PLEKHH3: variants seen among roughly 807,000 people sequenced by gnomAD.
The protein encoded by PLEKHH3 is pleckstrin homology domain-containing family H member 3.
A neutral mutation model predicts 77.8 loss-of-function variants in PLEKHH3; 57 were observed. That is an observed-to-expected ratio of 0.73 (90% confidence interval 0.59 to 0.91). PLEKHH3 has a LOEUF of 0.91. Among genes scored for constraint, PLEKHH3 ranks in the 40% least tolerant of loss-of-function variants. The probability of loss-of-function intolerance (pLI) is 0.00; values close to 1 mark genes in which losing one functional copy is unlikely to be tolerated. For missense variants in PLEKHH3, 1,082 were observed against 1,091.2 expected (o/e 0.99, Z 0.12); for synonymous variants, 467 against 504.8 (o/e 0.93, Z 1.00).
Position 42,668,028 on chromosome 17 carries a change from T to G in PLEKHH3, c.*99A>C. 9.2e-7 allele frequency: 1 copy of G among 1,083,996 alleles called. No homozygotes were observed. Among genetic ancestry groups the G allele is most frequent in the Admixed American group, 4.2e-5 (1 of 23,564 alleles). 67.1% of individuals were successfully genotyped at this position (1,083,996 alleles called of 1,614,324 possible). ...TAGCCCTTGGGTGTGGGATGTGCCC[T>G]GTCCCTGCAGGGCCAAAAGGGTCCA... is the stretch of plus-strand genomic sequence containing the variant. On this transcript the variant is annotated 3_prime_UTR_variant, in exon 13 of 13. Transcript: ENST00000591022.
chr17:42,676,330 T>C lies in PLEKHH3; in HGVS notation c.162+72A>G. The stretch of plus-strand genomic sequence containing the variant: ...AAGCGCGCAGCGTGTGGCTGGAGGC[T>C]GGAGCGGATCAGCGTGACGGCCGGT... On this transcript the variant is annotated intron_variant, in intron 1 of 12. Transcript: ENST00000591022. The surrounding 1 kb of genome is among the most constrained non-coding windows in gnomAD (Gnocchi z 6.6). The C allele has an allele frequency of 6.3e-7, 1 of 1,589,658 alleles. No homozygotes were observed. The highest frequency in any genetic ancestry group is 8.6e-7 in the Non-Finnish European group (1 of 1,165,844).
At chr17:42,675,109 T>C (rs1008974340) in intron 1 of PLEKHH3, among the ~76,000 whole-genome samples, 1 of 151,058 alleles carries the variant, frequency 6.6e-6, no homozygotes, top group Non-Finnish European at 1.5e-5. Flanking sequence ...CCCCTCCCCC[T>C]CCTCCTCCCT....
At chr17:42,672,508 G>A (rs1252465459) in intron 6 of PLEKHH3, 116 bp from the exon 7 acceptor site, 4 of 905,760 alleles carry the variant, frequency 4.4e-6, no homozygotes, top group African/African-American at 1.7e-5. Flanking sequence ...GGGGTGGCAG[G>A]GAGGGGAGGG....
In PLEKHH3 at chr17:42,673,541, G is replaced by C. The variant is rs1484887223; in HGVS notation, c.506C>G (p.Thr169Ser). ...GACACTGTGTTTCCGACCAGACACA[G>C]TCACTGACCACAGACCTGGGGAAAA... ...RRKETGLWSV[T>S]VSGRKHSVRL... is the part of the protein sequence containing the mutation. Residue 169 changes from threonine to serine, a missense_variant, in exon 5 of 13, where the codon ACT becomes AGT. By Grantham distance (58) the Thr-to-Ser change is moderately conservative (BLOSUM62 1). This residue lies in a region of PLEKHH3 where 344 missense variants were observed against 320.8 expected (regional missense o/e 1.07). Transcript: ENST00000591022. The C allele has an allele frequency of 6.3e-7, 1 of 1,594,748 alleles. No individual in the cohort carries two copies. Among genetic ancestry groups the C allele is most frequent in the African/African-American group, 1.3e-5 (1 of 74,644 alleles).
chr17:42,671,187 G>T lies in PLEKHH3; in HGVS notation c.1285-57C>A. The T allele has an allele frequency of 1.3e-6, 2 of 1,533,150 alleles. No individual in the cohort carries two copies. The highest frequency in any genetic ancestry group is 2.5e-5 in the South Asian group (2 of 79,934). 95.0% of individuals were successfully genotyped at this position (1,533,150 alleles called of 1,614,324 possible). Reference sequence around the variant, plus strand: ...GAGGTCTTGCCAGGATTCTGGGAGGGGTTGATTCAATTGGAAGGGGTCTCT... The same window carrying T: ...GAGGTCTTGCCAGGATTCTGGGAGGTGTTGATTCAATTGGAAGGGGTCTCT... On this transcript the variant is annotated intron_variant, in intron 8 of 12. Coordinates refer to ENST00000591022, the MANE Select transcript of PLEKHH3 (RefSeq NM_024927.5). The surrounding 1 kb of genome is among the most constrained non-coding windows in gnomAD (Gnocchi z 4.7).
intron 11 of PLEKHH3, 91 bp from the exon 12 acceptor site, chr17:42,669,712 T>TG: frequency 6.8e-7 from 1 of 1,468,910 alleles, no homozygotes; most frequent in South Asian, 1.3e-5. Context: ...AGGAGTATCC[T>TG]GATCCCCCTA....
chr17:42,672,315 G>A lies in PLEKHH3; in HGVS notation c.847C>T (p.Pro283Ser). 1 of 1,548,612 alleles carries A rather than the reference G, an allele frequency of 6.5e-7. No homozygotes were observed. The highest frequency in any genetic ancestry group is 1.4e-5 in the African/African-American group (1 of 73,158). Residue 283 changes from proline to serine, a missense_variant, in exon 7 of 13, where the codon CCC becomes TCC. Physicochemically the swap from Pro to Ser is moderately conservative, Grantham distance 74. Coordinates refer to ENST00000591022, the MANE Select transcript of PLEKHH3 (RefSeq NM_024927.5). Reference sequence around the variant, plus strand: ...AGCACACCCTGCATCAAGGGCCCGGGGCGCCGCGCCCCCTCCAGCGCCTGC... The same window carrying A: ...AGCACACCCTGCATCAAGGGCCCGGAGCGCCGCGCCCCCTCCAGCGCCTGC... Reference protein sequence around the residue: ...ALQALEGARRPGPLMQGVLQT... With the variant: ...ALQALEGARRSGPLMQGVLQT...
chr17:42,668,019 G>T lies in PLEKHH3; in HGVS notation c.*108C>A. 1.1e-6 allele frequency: 1 copy of T among 948,154 alleles called. No homozygotes were observed. Among genetic ancestry groups the T allele is most frequent in the Non-Finnish European group, 1.4e-6 (1 of 725,348 alleles). 58.7% of individuals were successfully genotyped at this position (948,154 alleles called of 1,614,324 possible). A position where few individuals can be genotyped will look rare whatever the true frequency, so the allele number is the denominator to read the frequency against. Reference sequence around the variant, plus strand: ...CACCCATTGTAGCCCTTGGGTGTGGGATGTGCCCTGTCCCTGCAGGGCCAA... The same window carrying T: ...CACCCATTGTAGCCCTTGGGTGTGGTATGTGCCCTGTCCCTGCAGGGCCAA... On this transcript the variant is annotated 3_prime_UTR_variant, in exon 13 of 13. Transcript: ENST00000591022.
chr17:42,671,236 C>T lies in PLEKHH3; in HGVS notation c.1285-106G>A. On this transcript the variant is annotated intron_variant, in intron 8 of 12. Coordinates refer to ENST00000591022, the MANE Select transcript of PLEKHH3 (RefSeq NM_024927.5). This position sits in a 1 kb window ranked among gnomAD's most constrained non-coding sequence, Gnocchi z 4.7. Reference sequence around the variant, plus strand: ...CTTAGTCCTGTCACCACCACTCCCTCCCTTACCAAAATAATCTAGACTCGG... The same window carrying T: ...CTTAGTCCTGTCACCACCACTCCCTTCCTTACCAAAATAATCTAGACTCGG... 1.3e-6 allele frequency: 2 copies of T among 1,524,740 alleles called. No homozygotes were observed. The highest frequency in any genetic ancestry group is 1.8e-6 in the Non-Finnish European group (2 of 1,128,568). 94.5% of individuals were successfully genotyped at this position (1,524,740 alleles called of 1,614,324 possible). A position where few individuals can be genotyped will look rare whatever the true frequency, so the allele number is the denominator to read the frequency against.
At chr17:42,673,865 C>T (rs1250932822) in intron 3 of PLEKHH3, 31 bp from the exon 4 acceptor site, 1 of 1,608,164 alleles carries the variant, frequency 6.2e-7, no homozygotes, top group African/African-American at 1.3e-5. Flanking sequence ...GAAGGGACAT[C>T]AGTAGAGACA....
rs1400476386 is a variant in PLEKHH3 at position 42,673,994 on chromosome 17, TCTC to T, written c.235_237del (p.Glu79del). 5.0e-6 allele frequency: 8 copies of T among 1,612,940 alleles called. No individual in the cohort carries two copies. The East Asian group carries it at 1.1e-4, about 22-fold the overall frequency. ...CCTTTCTCCGGGATGAGGCTCCAAG[TCTC>T]CTCCCAGCTCTGCAGCCTGGGCCAG... On this transcript the variant is annotated inframe_deletion, in exon 3 of 13. Coordinates refer to ENST00000591022, the MANE Select transcript of PLEKHH3 (RefSeq NM_024927.5).
Position 42,671,638 on chromosome 17 carries a change from T to C in PLEKHH3, c.1077-80A>G. ...CCTCTTGCCTGCTTCTCTTATAGTT[T>C]ATTTTATCTAGCCGATTTCCTCCCC... is the stretch of plus-strand genomic sequence containing the variant. On this transcript the variant is annotated intron_variant, in intron 7 of 12. Coordinates refer to ENST00000591022, the MANE Select transcript of PLEKHH3 (RefSeq NM_024927.5). This position sits in a 1 kb window ranked among gnomAD's most constrained non-coding sequence, Gnocchi z 4.7. 1 of 1,402,146 alleles carries C rather than the reference T, an allele frequency of 7.1e-7. No homozygotes were observed. Among genetic ancestry groups the C allele is most frequent in the East Asian group, 2.5e-5 (1 of 40,100 alleles). The allele number at this position is 1,402,146 out of a possible 1,614,324, so 86.9% of individuals were successfully genotyped here. A position where few individuals can be genotyped will look rare whatever the true frequency, so the allele number is the denominator to read the frequency against.
rs2052840512 is a variant in PLEKHH3, at chr17:42,676,927, TGTCCGGTAGGGC to T, written c.-376_-365del. On this transcript the variant is annotated 5_prime_UTR_variant, in exon 1 of 13. Transcript: ENST00000591022. The surrounding 1 kb of genome is among the most constrained non-coding windows in gnomAD (Gnocchi z 6.6). ...GTTGTCCAAGCTCCAGGGAGGGTCG[TGTCCGGTAGGGC>T]GTCCGGTGGCCGGGGCCCGGGCCGC... The T allele has an allele frequency of 4.8e-6, 1 of 210,062 alleles. No homozygotes were observed. Among genetic ancestry groups the T allele is most frequent in the Non-Finnish European group, 9.5e-6 (1 of 105,320 alleles). The allele number at this position is 210,062 out of a possible 1,614,324, so 13.0% of individuals were successfully genotyped here.
Position 42,670,403 on chromosome 17 carries a change from G to A in PLEKHH3, c.1555-27C>T. ...TGCAGGGGAGGCACCCGGCGTCAGT[G>A]TACGAGCGGCGGCGGAACCGTCGCG... On this transcript the variant is annotated intron_variant, in intron 10 of 12. Coordinates refer to ENST00000591022, the MANE Select transcript of PLEKHH3 (RefSeq NM_024927.5). The A allele has an allele frequency of 2.1e-6, 3 of 1,459,786 alleles. No individual in the cohort carries two copies. In the South Asian group the frequency reaches 4.3e-5, roughly 21 times the overall value. The allele number at this position is 1,459,786 out of a possible 1,614,324, so 90.4% of individuals were successfully genotyped here. A position where few individuals can be genotyped will look rare whatever the true frequency, so the allele number is the denominator to read the frequency against.
Position 42,676,649 on chromosome 17 carries a change from C to G in PLEKHH3, c.-86G>C. 1 of 1,325,146 alleles carries G rather than the reference C, an allele frequency of 7.5e-7. No individual in the cohort carries two copies. Among genetic ancestry groups the G allele is most frequent in the East Asian group, 2.5e-5 (1 of 39,904 alleles). The allele number at this position is 1,325,146 out of a possible 1,614,324, so 82.1% of individuals were successfully genotyped here. The stretch of plus-strand genomic sequence containing the variant: ...GGAACTGGCGGGGCTCCGACCCGAG[C>G]AGGGGAAAGATGAGGTGGGAGGAGC... On this transcript the variant is annotated 5_prime_UTR_variant, in exon 1 of 13. Coordinates refer to ENST00000591022, the MANE Select transcript of PLEKHH3 (RefSeq NM_024927.5). This position sits in a 1 kb window ranked among gnomAD's most constrained non-coding sequence, Gnocchi z 6.6.
In PLEKHH3 at chr17:42,671,353, C is replaced by T. The variant is rs1381197167; in HGVS notation, c.1282G>A (p.Glu428Lys). The part of the protein sequence containing the change: ...VAIDSHTTAG[E>K]VARELVGRLG... ...ATGGGGCCTTTCTCTGGCCTCACCT[C>T]CCCCGCCGTGGTGTGGGAGTCGATG... Residue 428 changes from glutamate to lysine, a missense_variant and splice_region_variant, in exon 8 of 13, where the codon GAG becomes AAG. Around this residue, in one of 3 missense-constraint regions of PLEKHH3, gnomAD observed 733 missense variants for 750.0 expected, o/e 0.98. Coordinates refer to ENST00000591022, the MANE Select transcript of PLEKHH3 (RefSeq NM_024927.5). The surrounding 1 kb of genome is among the most constrained non-coding windows in gnomAD (Gnocchi z 4.7). 1 of 1,612,264 alleles carries T rather than the reference C, an allele frequency of 6.2e-7. No individual in the cohort carries two copies. Among genetic ancestry groups the T allele is most frequent in the African/African-American group, 1.3e-5 (1 of 74,920 alleles).
Position 42,673,448 on chromosome 17 carries a change from G to A in PLEKHH3, c.599C>T (p.Ser200Phe). ...GGTGGGGGTCTCCAGGGGTGCCTTG[G>A]AGGCGATCACTTCCCGCAATGCCAC... ...WGVALREVIA[S>F]KAPLETPTQL... Residue 200 changes from serine to phenylalanine, a missense_variant, in exon 5 of 13, where the codon TCC (serine) becomes TTC (phenylalanine). This residue lies in a region of PLEKHH3 where 344 missense variants were observed against 320.8 expected (regional missense o/e 1.07). Coordinates refer to ENST00000591022, the MANE Select transcript of PLEKHH3 (RefSeq NM_024927.5). 6.2e-7 allele frequency: 1 copy of A among 1,613,306 alleles called. No individual in the cohort carries two copies.
At chr17:42,669,306 G>T in intron 12 of PLEKHH3, 124 bp downstream of exon 12, 2 of 968,062 alleles carry the variant, frequency 2.1e-6, no homozygotes, top group Non-Finnish European at 2.8e-6. Flanking sequence ...CCTTCAGCTT[G>T]TCTGTGATCA....
chr17:42,673,820 C>G lies in PLEKHH3; in HGVS notation c.313G>C (p.Glu105Gln). ...GGCCGCGCCCCTCCTCCGCGGGGCT[C>G]CCGGTACAGCCAACCTGGGGGCCGG... ...DIVVKGWLYREPRGGGARPWL... is the reference protein window; with the variant it reads ...DIVVKGWLYRQPRGGGARPWL... The change falls in exon 4 of 13, where the codon GAG becomes CAG. Residue 105 changes from glutamate to glutamine, a missense_variant. Physicochemically the swap from Glu to Gln is conservative, Grantham distance 29. This residue lies in a region of PLEKHH3 where 344 missense variants were observed against 320.8 expected (regional missense o/e 1.07). Transcript: ENST00000591022. 6.3e-7 allele frequency: 1 copy of G among 1,592,448 alleles called. No homozygotes were observed. Among genetic ancestry groups the G allele is most frequent in the Non-Finnish European group, 8.5e-7 (1 of 1,173,950 alleles).
Sources: allele counts gnomAD v4.1 joint callset (sites outside exome capture counted in the v4.1 genomes callset), GRCh38; gene constraint gnomAD v4.1.1; regional missense constraint gnomAD v4.1.1; non-coding constraint Gnocchi (gnomAD v3.1); transcripts MANE v1.5; gene names NCBI Gene and HGNC (gene_info 2026-07-23, HGNC 2026-07-21).